The following RNF32 variants were observed in gnomAD, a reference collection of about 807,000 sequenced individuals.
RNF32 encodes ring finger protein 32.
A neutral mutation model predicts 41.0 loss-of-function variants in RNF32; 36 were observed. That is an observed-to-expected ratio of 0.88 (90% confidence interval 0.67 to 1.16). The LOEUF is 1.16. RNF32 is among the 50% of genes most tolerant of loss of function. The pLI is 0.00. For synonymous variants in RNF32, 154 were observed against 160.9 expected (o/e 0.96, Z 0.32); for missense variants, 413 against 436.7 (o/e 0.95, Z 0.48).
At chr7:156,660,200 G>C in intron 7 of RNF32, 2 of 985,664 alleles carry the variant, frequency 2.0e-6, no homozygotes, top group South Asian at 9.4e-5. Context: ...CGTTCCTACT[G>C]GTTCCCTCTG....
intron 7 of RNF32, among the ~76,000 whole-genome samples, chr7:156,674,114 C>G (rs1471787239): frequency 2.0e-5 from 3 of 152,196 alleles, no homozygotes; most frequent in Non-Finnish European, 1.5e-5. Context: ...CGGCACTTCT[C>G]ACTGCTGGAC....
chr7:156,657,991 A>G (rs1344729750), intron 5 of RNF32, 137 bp from the exon 6 acceptor site: 4 of 857,908 alleles, frequency 4.7e-6, no homozygotes, highest in Non-Finnish European at 5.5e-6. Context: ...AAGCCTCCTC[A>G]CTTTATAACC....
intron 8 of RNF32, 120 bp downstream of exon 8, chr7:156,675,983 G>A (rs990892192): frequency 5.8e-5 from 62 of 1,071,614 alleles, no homozygotes; most frequent in Admixed American, 1.0e-4. Flanking sequence ...TGTCAGGCCC[G>A]GGGTGCAGCC....
At chr7:156,660,049 C>G in intron 7 of RNF32, 2 of 985,770 alleles carry the variant, frequency 2.0e-6, no homozygotes, top group South Asian at 4.7e-5. Flanking sequence ...CACCTCCCCA[C>G]AAATACTGTT....
At chr7:156,673,917 A>G (rs66579345) in intron 7 of RNF32, among the ~76,000 whole-genome samples, 17 of 122,358 alleles carry the variant, frequency 1.4e-4, no homozygotes, top group East Asian at 8.5e-4. Context: ...AAAAAAAAAA[A>G]AAAAAGAAAA....
At chr7:156,640,523 G>T, upstream of RNF32, 1 of 362,956 alleles carries the variant, frequency 2.8e-6, no homozygotes, top group Admixed American at 3.7e-5. Context: ...CGCGAGCCTC[G>T]ACGGGAACGC....
intron 7 of RNF32, among the ~76,000 whole-genome samples, chr7:156,663,300 T>TA (rs1163030704): frequency 1.3e-5 from 2 of 152,196 alleles, no homozygotes; most frequent in Non-Finnish European, 2.9e-5. Context: ...TCCTTGCCAA[T>TA]AACACATGAA....
chr7:156,644,787 C>CT, intron 3 of RNF32, 30 bp downstream of exon 3: 1 of 1,576,918 alleles, frequency 6.3e-7, no homozygotes, highest in Non-Finnish European at 8.5e-7. Context: ...CATCTTTTGG[C>CT]TTATTAGGGC....
rs899857236 is a variant in RNF32 at position 156,672,022 on chromosome 7, G to C, written c.685-3674G>C. Among the ~76,000 whole-genome samples, 24 of 151,724 alleles carry C rather than the reference G, an allele frequency of 1.6e-4. 1 individual carries two copies. The highest frequency in any genetic ancestry group is 1.8e-4 in the Non-Finnish European group (12 of 67,894). Reference sequence around the variant, plus strand: ...CTTGTGGAAAGGAATATTTGCGTCTGCCATGCTAGGTTTTCTTCTGTGGAA... The same window carrying C: ...CTTGTGGAAAGGAATATTTGCGTCTCCCATGCTAGGTTTTCTTCTGTGGAA... On this transcript the variant is annotated intron_variant, in intron 7 of 8. Coordinates refer to ENST00000317955, the MANE Select transcript of RNF32 (RefSeq NM_030936.4).
intron 7 of RNF32, among the ~76,000 whole-genome samples, chr7:156,668,033 T>A (rs1801621249): frequency 6.6e-6 from 1 of 152,226 alleles, no homozygotes; most frequent in Admixed American, 6.5e-5. Context: ...ATATGTACAT[T>A]TGAGGCATAT....
intron 3 of RNF32, 43 bp from the exon 4 acceptor site, chr7:156,654,533 C>T (rs772335637): frequency 1.3e-5 from 20 of 1,578,900 alleles, no homozygotes. Context: ...GTGCCATATG[C>T]TAAAAGACAC....
rs974473148 is a variant in RNF32, at chr7:156,658,501, G to A, written c.615G>A (p.Trp205Ter). The A allele has an allele frequency of 1.9e-6, 3 of 1,613,782 alleles. No individual in the cohort carries two copies. The highest frequency in any genetic ancestry group is 2.7e-5 in the African/African-American group (2 of 74,900). ...GGAGAGGATGTGTTGTTAGAAAGTG[G>A]TACAGAAACCTGAGGAAAACAGTAC... ...AYWRGCVVRK[W>*]YRNLRKTVPP... Residue 205 changes from tryptophan to a stop codon, truncating the protein, a stop_gained, in exon 7 of 9, where the codon TGG (tryptophan) becomes TGA (stop). Transcript: ENST00000317955. LOFTEE classifies it high-confidence loss of function.
chr7:156,650,946 C>T (rs553247662), intron 3 of RNF32, among the ~76,000 whole-genome samples: 50 of 152,308 alleles, frequency 3.3e-4, no homozygotes, highest in African/African-American at 1.1e-3. Flanking sequence ...CTTAACCCTG[C>T]GGGTCTCCAT....
intron 4 of RNF32, among the ~76,000 whole-genome samples, chr7:156,655,837 T>C (rs536274050): frequency 6.6e-6 from 1 of 152,370 alleles, no homozygotes; most frequent in South Asian, 2.1e-4. Context: ...GGTGTCTTTC[T>C]GGCTAAGCAC....
chr7:156,650,801 G>A (rs1018573154), intron 3 of RNF32, among the ~76,000 whole-genome samples: 2 of 152,180 alleles, frequency 1.3e-5, no homozygotes, highest in Admixed American at 6.5e-5. Context: ...CCCCTCCTCC[G>A]CAACCTCAGT....
intron 3 of RNF32, among the ~76,000 whole-genome samples, chr7:156,650,733 C>T (rs1798602459): frequency 6.6e-6 from 1 of 152,222 alleles, no homozygotes; most frequent in Admixed American, 6.5e-5. Context: ...GCTGGGGGCC[C>T]TGTCTCTCCC....
chr7:156,672,868 C>T (rs983054980), intron 7 of RNF32, among the ~76,000 whole-genome samples: 3 of 152,230 alleles, frequency 2.0e-5, no homozygotes, highest in African/African-American at 7.2e-5. Flanking sequence ...AATAACTTTG[C>T]ATATTTAAAA....
At chr7:156,640,753 G>A (rs1008934565), upstream of RNF32, 5 of 272,124 alleles carry the variant, frequency 1.8e-5, no homozygotes, top group Non-Finnish European at 2.9e-5. Context: ...CGGCCAGGGA[G>A]TTGCCTGAGG....
intron 7 of RNF32, among the ~76,000 whole-genome samples, chr7:156,666,271 G>A (rs947967754): frequency 2.6e-5 from 4 of 152,220 alleles, no homozygotes; most frequent in Admixed American, 6.5e-5. Context: ...TTTGCTTGTC[G>A]AACTTTGTTC....
Sources: gnomAD v4.1 joint callset for allele counts (sites outside exome capture counted in the v4.1 genomes callset) on GRCh38, gnomAD v4.1.1 for gene constraint, MANE v1.5 for transcripts, NCBI Gene and HGNC (gene_info 2026-07-23, HGNC 2026-07-21) for gene names.